The following SLC9A2 variants were observed in gnomAD, a reference collection of about 807,000 sequenced individuals.
SLC9A2 encodes solute carrier family 9 member A2, also known as sodium/hydrogen exchanger 2.
In SLC9A2, 42 loss-of-function variants were observed where a neutral mutation model predicts 71.7. The observed-to-expected ratio is 0.59, with a 90% CI of 0.46 to 0.76. The LOEUF is 0.76. Among genes scored for constraint, SLC9A2 ranks in the 30% least tolerant of loss-of-function variants. The pLI is 0.00. For synonymous variants in SLC9A2, 396 were observed against 392.5 expected, an observed-to-expected ratio of 1.01 and a Z score of -0.10; for missense variants, 829 against 1,017.4, an observed-to-expected ratio of 0.81 and a Z score of 2.52.
intron 3 of SLC9A2, among the ~76,000 whole-genome samples, chr2:102,673,380 CT>C (rs67931220): frequency 0.19 from 28,929 of 151,920 alleles, 3,140 homozygotes; most frequent in South Asian, 0.34. Flanking sequence ...ATTGATATTG[CT>C]TTTTTTGTTA....
rs767558140 is a variant in SLC9A2 at position 102,665,124 on chromosome 2, T to A, written c.778T>A (p.Phe260Ile). The change falls in exon 3 of 12, where the codon TTT (phenylalanine) becomes ATT (isoleucine). Residue 260 changes from phenylalanine (F) to isoleucine (I), a missense_variant. Physicochemically the swap from Phe to Ile is conservative, Grantham distance 21 (BLOSUM62 0). Coordinates refer to ENST00000233969, the MANE Select transcript of SLC9A2 (RefSeq NM_003048.6). ...TVVLYNLFKS[F>I]CQMKTIETID... ...GGTCCTGTACAACTTGTTCAAGTCGTTTTGCCAGATGAAAACCATTGAGAC... is the reference window on the plus strand; with the variant it reads ...GGTCCTGTACAACTTGTTCAAGTCGATTTGCCAGATGAAAACCATTGAGAC... 6.2e-7 allele frequency: 1 copy of A among 1,614,024 alleles called. No individual in the cohort carries two copies.
intron 1 of SLC9A2, among the ~76,000 whole-genome samples, chr2:102,621,353 A>G (rs368644409): frequency 3.7e-4 from 21 of 56,682 alleles, no homozygotes; most frequent in East Asian, 1.0e-3. Context: ...TGTCTCAGGG[A>G]AAAAAAAAAA....
intron 1 of SLC9A2, among the ~76,000 whole-genome samples, chr2:102,638,544 C>A (rs1472399216): frequency 6.6e-6 from 1 of 152,184 alleles, no homozygotes; most frequent in East Asian, 1.9e-4. Context: ...ACAATGAGTT[C>A]ATCGTCTGTG....
intron 7 of SLC9A2, among the ~76,000 whole-genome samples, chr2:102,699,967 C>T (rs1677842915): frequency 6.6e-6 from 1 of 152,154 alleles, no homozygotes; most frequent in Non-Finnish European, 1.5e-5. Context: ...TTAATCACTT[C>T]TGTAAACACT....
intron 3 of SLC9A2, among the ~76,000 whole-genome samples, chr2:102,670,599 C>CAACA (rs1677228349): frequency 1.3e-5 from 1 of 79,978 alleles, no homozygotes; most frequent in African/African-American, 4.8e-5. Context: ...CTCCCCCCAC[C>CAACA]AAAAAAAAAA....
At chr2:102,634,114 T>C (rs1676424530) in intron 1 of SLC9A2, among the ~76,000 whole-genome samples, 1 of 152,204 alleles carries the variant, frequency 6.6e-6, no homozygotes, top group Non-Finnish European at 1.5e-5. Context: ...CTCTTTTTTT[T>C]CACCACACTT....
At chr2:102,680,103 A>T (rs1258790433) in intron 3 of SLC9A2, among the ~76,000 whole-genome samples, 2 of 141,976 alleles carry the variant, frequency 1.4e-5, no homozygotes, top group African/African-American at 4.9e-5. Context: ...TTAGAGAATT[A>T]AAAAATATAT....
At chr2:102,658,086 T>TGCA in intron 2 of SLC9A2, 59 bp downstream of exon 2, 5 of 1,316,890 alleles carry the variant, frequency 3.8e-6, no homozygotes, top group Non-Finnish European at 5.3e-6. Context: ...CCACCTGCAG[T>TGCA]GGCTCTCTGC....
chr2:102,682,948 T>C (rs1382656625), intron 3 of SLC9A2, among the ~76,000 whole-genome samples: 1 of 152,206 alleles, frequency 6.6e-6, no homozygotes, highest in Non-Finnish European at 1.5e-5. Flanking sequence ...CTTGTTTTAT[T>C]TGAGATACAG....
chr2:102,637,422 T>A (rs965039632), intron 1 of SLC9A2, among the ~76,000 whole-genome samples: 1 of 152,212 alleles, frequency 6.6e-6, no homozygotes, highest in Non-Finnish European at 1.5e-5. Flanking sequence ...TGGGGCACAG[T>A]TGCAGTGCCA....
intron 3 of SLC9A2, among the ~76,000 whole-genome samples, chr2:102,668,730 C>T (rs1048251633): frequency 1.4e-4 from 22 of 152,312 alleles, no homozygotes; most frequent in Non-Finnish European, 1.0e-4. Flanking sequence ...TAAACTGCTT[C>T]TGTAATGATT....
chr2:102,626,105 C>T (rs1676240915), intron 1 of SLC9A2, among the ~76,000 whole-genome samples: 1 of 152,174 alleles, frequency 6.6e-6, no homozygotes, highest in Non-Finnish European at 1.5e-5. Flanking sequence ...AAAGAACCCA[C>T]ATTGCCAAGT....
At chr2:102,683,189 T>C in intron 3 of SLC9A2, 72 bp from the exon 4 acceptor site, 1 of 1,057,690 alleles carries the variant, frequency 9.5e-7, no homozygotes, top group East Asian at 2.4e-5. Flanking sequence ...AATTTAGCTC[T>C]TAAGTGCTAT....
At chr2:102,640,156 C>T (rs1379442699) in intron 1 of SLC9A2, among the ~76,000 whole-genome samples, 1 of 152,192 alleles carries the variant, frequency 6.6e-6, no homozygotes, top group Non-Finnish European at 1.5e-5. Context: ...AGGAAACGAG[C>T]CAGCTCAGAG....
intron 9 of SLC9A2, among the ~76,000 whole-genome samples, chr2:102,702,943 C>T (rs957705951): frequency 6.6e-6 from 1 of 152,214 alleles, no homozygotes; most frequent in Non-Finnish European, 1.5e-5. Context: ...AACACAGCTA[C>T]AGAGTAGAGA....
chr2:102,702,423 A>C lies in SLC9A2; in HGVS notation c.1766A>C (p.Lys589Thr). The C allele has an allele frequency of 6.3e-7, 1 of 1,590,752 alleles. No homozygotes were observed. The highest frequency in any genetic ancestry group is 1.1e-5 in the South Asian group (1 of 87,534). Residue 589 changes from lysine to threonine, a missense_variant, in exon 9 of 12, where the codon AAA becomes ACA. This residue lies in a region of SLC9A2 where 500 missense variants were observed against 726.3 expected (regional missense o/e 0.69). Coordinates refer to ENST00000233969, the MANE Select transcript of SLC9A2 (RefSeq NM_003048.6). ...FASLNDCREE[K>T]IRKVTSSETD... is the part of the protein sequence containing the mutation. ...TTTCACAGTGATTGTCGTGAAGAAA[A>C]AATAAGGAAGGTCACGTCCAGTGAA...
At chr2:102,666,131 A>G (rs1405385739) in intron 3 of SLC9A2, among the ~76,000 whole-genome samples, 2 of 134,182 alleles carry the variant, frequency 1.5e-5, no homozygotes, top group Non-Finnish European at 3.4e-5. Context: ...ATTTGGGATA[A>G]CAGCTTAGTC....
intron 7 of SLC9A2, among the ~76,000 whole-genome samples, chr2:102,699,720 T>G (rs1277303486): frequency 6.6e-6 from 1 of 152,104 alleles, no homozygotes; most frequent in Non-Finnish European, 1.5e-5. Context: ...AGAAATGAAT[T>G]GTCTCATAAT....
Position 102,620,015 on chromosome 2 carries a change from T to G in SLC9A2, c.167T>G (p.Val56Gly). 5 of 1,614,110 alleles carry G rather than the reference T, an allele frequency of 3.1e-6. No homozygotes were observed. Among genetic ancestry groups the G allele is most frequent in the Non-Finnish European group, 4.2e-6 (5 of 1,180,016 alleles). ...SSSPPSPASV[V>G]APGTTLFEES... ...AGCCCGCCTAGCCCTGCGAGCGTGG[T>G]GGCTCCCGGAACGACGCTGTTCGAG... The change falls in exon 1 of 12, where the codon GTG becomes GGG. Residue 56 changes from valine to glycine, a missense_variant. Val to Gly is a moderately radical substitution (Grantham distance 109, BLOSUM62 -3). Around this residue, in one of 3 missense-constraint regions of SLC9A2, gnomAD observed 106 missense variants for 93.5 expected, o/e 1.13. Coordinates refer to ENST00000233969, the MANE Select transcript of SLC9A2 (RefSeq NM_003048.6).
Sources: gnomAD v4.1 joint callset for allele counts (sites outside exome capture counted in the v4.1 genomes callset) on GRCh38, gnomAD v4.1.1 for gene constraint, gnomAD v4.1.1 regional missense constraint, MANE v1.5 for transcripts, NCBI Gene and HGNC (gene_info 2026-07-23, HGNC 2026-07-21) for gene names.